Variants in NECAB1 observed in about 807,000 individuals in gnomAD.
NECAB1 encodes N-terminal EF-hand calcium-binding protein 1.
A neutral mutation model predicts 57.5 loss-of-function variants in NECAB1; 29 were observed. That is an observed-to-expected ratio of 0.50 (90% CI 0.38 to 0.69). The LOEUF is 0.69. Among genes scored for constraint, NECAB1 ranks in the 30% least tolerant of loss-of-function variants. The probability of loss-of-function intolerance (pLI) is 0.00; values close to 1 mark genes in which losing one functional copy is unlikely to be tolerated. For synonymous variants in NECAB1, 142 were observed against 147.7 expected (o/e 0.96, Z 0.28); for missense variants, 372 against 413.8 (o/e 0.90, Z 0.88).
At chr8:90,812,629 A>G (rs1811981198) in intron 2 of NECAB1, 1 of 152,162 alleles carries the variant, frequency 6.6e-6, no homozygotes, top group African/African-American at 2.4e-5. Context: ...CGAGCCAAGC[A>G]TTTGACTGAA....
At chr8:90,829,349 A>G (rs1383854477) in intron 3 of NECAB1, among the ~76,000 whole-genome samples, 1 of 152,086 alleles carries the variant, frequency 6.6e-6, no homozygotes, top group African/African-American at 2.4e-5. Context: ...TAGTCTGTCT[A>G]CATTTTGCAG....
intron 11 of NECAB1, among the ~76,000 whole-genome samples, chr8:90,950,440 CAT>C (rs1810902644): frequency 6.6e-6 from 1 of 152,026 alleles, no homozygotes; most frequent in Non-Finnish European, 1.5e-5. Context: ...AGCAAACAAA[CAT>C]ATAATTTTAA....
chr8:90,880,015 A>T (rs1808808397), intron 4 of NECAB1, among the ~76,000 whole-genome samples: 1 of 152,224 alleles, frequency 6.6e-6, no homozygotes, highest in South Asian at 2.1e-4. Flanking sequence ...AGAAGTCTGT[A>T]CACTAACTAA....
At chr8:90,811,249 C>A (rs1377998265) in intron 2 of NECAB1, among the ~76,000 whole-genome samples, 2 of 152,086 alleles carry the variant, frequency 1.3e-5, no homozygotes, top group South Asian at 2.1e-4. Context: ...CTGCACCTGG[C>A]GAAAATTGAT....
At chr8:90,827,362 G>C (rs1812242054) in intron 3 of NECAB1, among the ~76,000 whole-genome samples, 1 of 151,978 alleles carries the variant, frequency 6.6e-6, no homozygotes, top group Non-Finnish European at 1.5e-5. Context: ...TAGGCTGTGA[G>C]AGTCAGAGTC....
intron 3 of NECAB1, among the ~76,000 whole-genome samples, chr8:90,867,176 T>C (rs1035345331): frequency 3.9e-5 from 6 of 152,224 alleles, no homozygotes; most frequent in African/African-American, 1.4e-4. Flanking sequence ...ACAAACCTTG[T>C]CTCTTATTAA....
intron 2 of NECAB1, among the ~76,000 whole-genome samples, chr8:90,807,563 A>G (rs1010804922): frequency 3.3e-5 from 5 of 152,146 alleles, no homozygotes; most frequent in Admixed American, 6.5e-5. Flanking sequence ...ACCACCCCGC[A>G]CTGTGCTCTC....
intron 9 of NECAB1, among the ~76,000 whole-genome samples, chr8:90,937,242 A>G (rs1291507111): frequency 6.6e-6 from 1 of 152,184 alleles, no homozygotes; most frequent in Non-Finnish European, 1.5e-5. Flanking sequence ...TTGATCACCA[A>G]CTATGTTCCA....
chr8:90,931,952 A>C (rs2740790), intron 8 of NECAB1, among the ~76,000 whole-genome samples: 77,430 of 151,764 alleles, frequency 0.51, 22,539 homozygotes, highest in East Asian at 0.78. Flanking sequence ...ACAAAAAAAA[A>C]CCCCACCTTT....
intron 2 of NECAB1, among the ~76,000 whole-genome samples, chr8:90,819,327 C>G (rs1456561901): frequency 6.6e-6 from 1 of 151,866 alleles, no homozygotes; most frequent in Non-Finnish European, 1.5e-5. Flanking sequence ...TCTCTTCAGA[C>G]TGTGCTTTTC....
chr8:90,937,936 TAA>T (rs1280267794), intron 9 of NECAB1, among the ~76,000 whole-genome samples: 1 of 152,140 alleles, frequency 6.6e-6, no homozygotes, highest in African/African-American at 2.4e-5. Context: ...TATCAAAATA[TAA>T]GTCTTGTTTT....
intron 5 of NECAB1, among the ~76,000 whole-genome samples, chr8:90,885,527 A>C (rs959695031): frequency 6.6e-6 from 1 of 152,214 alleles, no homozygotes; most frequent in African/African-American, 2.4e-5. Context: ...AGTTTTCAAC[A>C]TGTTTTCATA....
intron 3 of NECAB1, among the ~76,000 whole-genome samples, chr8:90,854,340 T>G (rs1055460142): frequency 3.3e-5 from 5 of 152,224 alleles, no homozygotes; most frequent in Non-Finnish European, 7.3e-5. Flanking sequence ...GAAGTACTCA[T>G]GAGTACCTGG....
At chr8:90,874,384 AT>A (rs1808676567) in intron 4 of NECAB1, among the ~76,000 whole-genome samples, 1 of 152,224 alleles carries the variant, frequency 6.6e-6, no homozygotes, top group Non-Finnish European at 1.5e-5. Context: ...TTTGAAAAAA[AT>A]GTGTTTGTAA....
rs182601461 is a variant in NECAB1 at position 90,917,025 on chromosome 8, T to C, written c.358-467T>C. On this transcript the variant is annotated intron_variant, in intron 5 of 12. Transcript: ENST00000417640. ...TCTTCAGCATAATACGGATCAAGCA[T>C]AATAAATACATCAAGAGTGAATTAA... 1.1e-4 allele frequency among the ~76,000 whole-genome samples: 16 copies of C among 152,330 alleles called. No individual in the cohort carries two copies. The East Asian group carries it at 2.9e-3, about 28-fold the overall frequency.
intron 3 of NECAB1, among the ~76,000 whole-genome samples, chr8:90,846,628 C>A (rs573332441): frequency 6.6e-6 from 1 of 152,170 alleles, no homozygotes; most frequent in African/African-American, 2.4e-5. Flanking sequence ...AAAGAAATAC[C>A]CAAACTGGGT....
chr8:90,801,292 G>T, intron 1 of NECAB1, among the ~76,000 whole-genome samples: 1 of 152,030 alleles, frequency 6.6e-6, no homozygotes, highest in Non-Finnish European at 1.5e-5. Context: ...AGCTTAATCT[G>T]TTTTCTGTCC....
At chr8:90,902,770 C>G (rs1809540550) in intron 5 of NECAB1, among the ~76,000 whole-genome samples, 1 of 151,972 alleles carries the variant, frequency 6.6e-6, no homozygotes, top group Non-Finnish European at 1.5e-5. Context: ...TGTAGGAGGG[C>G]AAACTTAGTG....
chr8:90,883,260 G>GA (rs553900934), intron 5 of NECAB1, among the ~76,000 whole-genome samples: 239 of 151,594 alleles, frequency 1.6e-3, no homozygotes, highest in African/African-American at 5.5e-3. Flanking sequence ...AAAGGAAAAA[G>GA]AAAAAAAAGA....
Sources: allele counts gnomAD v4.1 joint callset (sites outside exome capture counted in the v4.1 genomes callset), GRCh38; gene constraint gnomAD v4.1.1; transcripts MANE v1.5; gene names NCBI Gene and HGNC (gene_info 2026-07-23, HGNC 2026-07-21).